The following AKAP7 variants were observed in gnomAD, a reference collection of about 807,000 sequenced individuals.
The protein encoded by AKAP7 is A kinase (PRKA) anchor protein 7.
AKAP7 carries 39 observed loss-of-function variants against 39.5 expected under a neutral mutation model. That is an observed-to-expected ratio of 0.99 (90% confidence interval 0.76 to 1.29). The LOEUF (loss-of-function observed/expected upper bound fraction) is 1.29, where lower values mean the gene tolerates loss of function less well. Among genes scored for constraint, AKAP7 ranks in the 50% most tolerant of loss-of-function variants. The pLI is 0.00. For synonymous variants in AKAP7, 140 were observed against 139.1 expected, an observed-to-expected ratio of 1.01 and a Z score of -0.05; for missense variants, 414 against 407.7, an observed-to-expected ratio of 1.02 and a Z score of -0.13.
At chr6:131,164,331 G>A in intron 3 of AKAP7, 1 of 454,324 alleles carries the variant, frequency 2.2e-6, no homozygotes, top group African/African-American at 2.0e-5. Flanking sequence ...ACATTTAGAA[G>A]TTGACTAGAA....
At chr6:131,243,630 GCTTGACATAC>G (rs1811783012) in intron 7 of AKAP7, among the ~76,000 whole-genome samples, 1 of 152,240 alleles carries the variant, frequency 6.6e-6, no homozygotes, top group South Asian at 2.1e-4. Context: ...TTTATTTGAA[GCTTGACATAC>G]CAGGAAATGT....
At chr6:131,142,260 C>G (rs1247437738) in intron 1 of AKAP7, among the ~76,000 whole-genome samples, 1 of 152,200 alleles carries the variant, frequency 6.6e-6, no homozygotes, top group Non-Finnish European at 1.5e-5. Context: ...GAAGGGATTT[C>G]AGAAATCTCC....
In AKAP7 at chr6:131,178,944, G is replaced by A. The variant is rs566782338; in HGVS notation, c.589+9671G>A. Among the ~76,000 whole-genome samples the A allele has an allele frequency of 3.9e-4, 59 of 151,938 alleles. No homozygotes were observed. The Middle Eastern group carries it at 0.014, about 35-fold the overall frequency. ...CCCCACTTGAACTTGCTTCTTACAG[G>A]TACTGGACTCAACAGAGTCTTTTCT... On this transcript the variant is annotated intron_variant, in intron 5 of 7. Transcript: ENST00000431975.
At chr6:131,259,732 A>AT (rs533354762) in intron 7 of AKAP7, among the ~76,000 whole-genome samples, 2 of 152,192 alleles carry the variant, frequency 1.3e-5, no homozygotes, top group South Asian at 2.1e-4. Flanking sequence ...CTGAGAGAAG[A>AT]TTTTTTAAGG....
chr6:131,133,886 G>A (rs1032832966), upstream of AKAP7, among the ~76,000 whole-genome samples: 1 of 152,208 alleles, frequency 6.6e-6, no homozygotes, highest in East Asian at 1.9e-4. Context: ...TTTGCAGTAT[G>A]GGAAGGTTAC....
At chr6:131,275,267 A>G (rs1814653566) in intron 7 of AKAP7, among the ~76,000 whole-genome samples, 1 of 152,200 alleles carries the variant, frequency 6.6e-6, no homozygotes, top group Non-Finnish European at 1.5e-5. Context: ...CTCATACATT[A>G]TCTTTAATCC....
At chr6:131,240,599 G>T (rs982583257) in intron 7 of AKAP7, among the ~76,000 whole-genome samples, 1 of 152,222 alleles carries the variant, frequency 6.6e-6, no homozygotes, top group Admixed American at 6.5e-5. Flanking sequence ...CTCAAGCCGG[G>T]GCAATGGCGG....
Position 131,237,179 on chromosome 6 carries a change from G to A in AKAP7, c.850+17371G>A, listed in dbSNP as rs188675230. The stretch of plus-strand genomic sequence containing the variant: ...TTAAGATAATCATGTGGTTTTTGTC[G>A]TTGATTCTGTTTATATGCTGGATTA... On this transcript the variant is annotated intron_variant, in intron 7 of 7. Coordinates refer to ENST00000431975, the MANE Select transcript of AKAP7 (RefSeq NM_016377.4). Among the ~76,000 whole-genome samples the A allele has an allele frequency of 3.0e-3, 452 of 152,130 alleles. 1 individual carries two copies. The highest frequency in any genetic ancestry group is 1.0e-2 in the African/African-American group (414 of 41,500).
chr6:131,261,515 CAT>C (rs1200089403), intron 7 of AKAP7, among the ~76,000 whole-genome samples: 1 of 152,046 alleles, frequency 6.6e-6, no homozygotes, highest in Non-Finnish European at 1.5e-5. Context: ...GTAAATTTAA[CAT>C]AAAAATTCAT....
rs192631118 is a variant in AKAP7 at position 131,206,875 on chromosome 6, G to T, written c.702+7302G>T. Among the ~76,000 whole-genome samples the T allele has an allele frequency of 2.6e-5, 4 of 151,988 alleles. No homozygotes were observed. In the East Asian group the frequency reaches 7.7e-4, roughly 29 times the overall value. On this transcript the variant is annotated intron_variant, in intron 6 of 7. Coordinates refer to ENST00000431975, the MANE Select transcript of AKAP7 (RefSeq NM_016377.4). The stretch of plus-strand genomic sequence containing the variant: ...TAGTTTGACTGCCACTCACTTTTGG[G>T]GGTCTGCATGACAGTGAGCTTTTAT...
chr6:131,171,916 G>C (rs1174040094), intron 5 of AKAP7, among the ~76,000 whole-genome samples: 1 of 152,162 alleles, frequency 6.6e-6, no homozygotes, highest in Non-Finnish European at 1.5e-5. Flanking sequence ...TTTGGAAGGA[G>C]AATAGAGTAA....
At chr6:131,165,614 C>T (rs1417791085) in intron 4 of AKAP7, among the ~76,000 whole-genome samples, 1 of 152,162 alleles carries the variant, frequency 6.6e-6, no homozygotes, top group African/African-American at 2.4e-5. Flanking sequence ...CATGCAAGAG[C>T]TCTTTGCCTG....
chr6:131,172,689 T>C (rs2128247348), intron 5 of AKAP7, among the ~76,000 whole-genome samples: 1 of 152,282 alleles, frequency 6.6e-6, no homozygotes, highest in East Asian at 1.9e-4. Flanking sequence ...AATACATTTC[T>C]AGACTAAGCC....
chr6:131,141,899 CTTTTTTTTTTTTTTT>C lies in AKAP7; in HGVS notation c.20-3381_20-3367del, dbSNP rs773131426. Among the ~76,000 whole-genome samples the C allele has an allele frequency of 1.9e-4, 22 of 116,204 alleles. No individual in the cohort carries two copies. The East Asian group carries it at 5.2e-3, about 27-fold the overall frequency. 76.2% of individuals were successfully genotyped at this position (116,204 alleles called of 152,430 possible). A position where few individuals can be genotyped will look rare whatever the true frequency, so the allele number is the denominator to read the frequency against. ...ATAGAAGAAATTTCTTTCTTTCTTT[CTTTTTTTTTTTTTTT>C]TTTTGCAACAGGGTCTCACTCTGTC... On this transcript the variant is annotated intron_variant, in intron 1 of 7. Coordinates refer to ENST00000431975, the MANE Select transcript of AKAP7 (RefSeq NM_016377.4).
intron 5 of AKAP7, among the ~76,000 whole-genome samples, chr6:131,188,867 G>A (rs1430538091): frequency 6.6e-6 from 1 of 152,172 alleles, no homozygotes; most frequent in East Asian, 1.9e-4. Flanking sequence ...ATCAAAAATT[G>A]AACTTGCCAT....
chr6:131,183,669 T>C (rs1239933719), intron 5 of AKAP7, among the ~76,000 whole-genome samples: 1 of 152,044 alleles, frequency 6.6e-6, no homozygotes. Flanking sequence ...TGGAGAGCAC[T>C]GGGAAGCACA....
At chr6:131,203,335 G>C (rs1172730790) in intron 6 of AKAP7, among the ~76,000 whole-genome samples, 2 of 152,048 alleles carry the variant, frequency 1.3e-5, no homozygotes, top group Non-Finnish European at 2.9e-5. Flanking sequence ...CATCCATTGA[G>C]CTAATGTCAC....
chr6:131,145,235 A>G, intron 1 of AKAP7, 50 bp from the exon 2 acceptor site: 1 of 1,238,516 alleles, frequency 8.1e-7, no homozygotes, highest in Non-Finnish European at 1.1e-6. Context: ...ATATGTTTAA[A>G]TAATGACAAG....
rs185504617 is a variant in AKAP7, at chr6:131,179,463, C to T, written c.589+10190C>T. Among the ~76,000 whole-genome samples the T allele has an allele frequency of 5.9e-3, 892 of 152,248 alleles. 28 individuals are homozygous for T. The highest frequency in any genetic ancestry group is 0.046 in the Admixed American group (708 of 15,288). On this transcript the variant is annotated intron_variant, in intron 5 of 7. Transcript: ENST00000431975. ...TGCTGAGATTACAGGCGTGAGCCAC[C>T]GTGCCTGGCCCGTTATTGTCTATTT...
Sources: gnomAD v4.1 joint callset for allele counts (sites outside exome capture counted in the v4.1 genomes callset) on GRCh38, gnomAD v4.1.1 for gene constraint, MANE v1.5 for transcripts, NCBI Gene and HGNC (gene_info 2026-07-23, HGNC 2026-07-21) for gene names.